Variants in DST observed in about 807,000 individuals in gnomAD.
DST encodes bullous pemphigoid antigen.
A neutral mutation model predicts 875.2 loss-of-function variants in DST; 253 were observed. The ratio of observed to expected loss-of-function variants is 0.29; its 90% confidence interval spans 0.26 to 0.32. The LOEUF (loss-of-function observed/expected upper bound fraction) is 0.32, where lower values mean the gene tolerates loss of function less well. Among genes scored for constraint, DST ranks in the 10% least tolerant of loss-of-function variants. The probability of loss-of-function intolerance (pLI) is 1.00; values close to 1 mark genes in which losing one functional copy is unlikely to be tolerated. For synonymous variants in DST, 3,124 were observed against 3,197.1 expected (o/e 0.98, Z 0.77); for missense variants, 8,287 against 9,111.6 (o/e 0.91, Z 3.68).
At chr6:56,660,625 A>G (rs1232782721) in intron 10 of DST, among the ~76,000 whole-genome samples, 1 of 151,420 alleles carries the variant, frequency 6.6e-6, no homozygotes, top group Non-Finnish European at 1.5e-5. Context: ...AAAAAAAAAA[A>G]AGAAAAAAAA....
At chr6:56,799,068 C>T (rs1261587523) in intron 4 of DST, among the ~76,000 whole-genome samples, 2 of 152,218 alleles carry the variant, frequency 1.3e-5, no homozygotes, top group African/African-American at 4.8e-5. Flanking sequence ...CTGGTGAAGA[C>T]ACTGTGAACA....
intron 4 of DST, among the ~76,000 whole-genome samples, chr6:56,793,033 C>T (rs1197279651): frequency 7.6e-6 from 1 of 132,418 alleles, no homozygotes; most frequent in Non-Finnish European, 1.5e-5. Flanking sequence ...CGCACCACTG[C>T]ACTCCAGCCT....
At chr6:56,783,576 G>C (rs986134891) in intron 4 of DST, among the ~76,000 whole-genome samples, 3 of 151,948 alleles carry the variant, frequency 2.0e-5, no homozygotes, top group African/African-American at 4.8e-5. Flanking sequence ...CCATTTGCTT[G>C]GTAGATCTTC....
At chr6:56,918,274 G>A (rs1336220623) in intron 2 of DST, among the ~76,000 whole-genome samples, 3 of 151,822 alleles carry the variant, frequency 2.0e-5, no homozygotes, top group South Asian at 2.1e-4. Context: ...TAACAGGCAC[G>A]TGCCACCACT....
chr6:56,624,667 A>G, intron 35 of DST, 39 bp from the exon 36 acceptor site: 1 of 1,327,492 alleles, frequency 7.5e-7, no homozygotes, highest in Non-Finnish European at 1.1e-6. Flanking sequence ...CATTACCTCC[A>G]GTTACTCTTA....
intron 61 of DST, among the ~76,000 whole-genome samples, chr6:56,546,389 TAA>T (rs1554326425): frequency 9.6e-6 from 1 of 104,284 alleles, no homozygotes; most frequent in African/African-American, 3.8e-5. Flanking sequence ...TATATATATA[TAA>T]ATGTCAAAAA....
At position 56,668,611 on chromosome 6, in the gene DST, T is replaced by A. The variant is rs969094038; in HGVS notation, c.1214+2030A>T. On this transcript the variant is annotated intron_variant, in intron 10 of 103. Transcript: ENST00000680361. ...AAATAAAAAAAAATTTTAAAAAATTTAAAAAAATTAGCCGGGAGTGGTGGC... is the reference window on the plus strand; with the variant it reads ...AAATAAAAAAAAATTTTAAAAAATTAAAAAAAATTAGCCGGGAGTGGTGGC... Among the ~76,000 whole-genome samples, 30 of 151,620 alleles carry A rather than the reference T, an allele frequency of 2.0e-4. No individual in the cohort carries two copies. The Middle Eastern group carries it at 0.014, about 69-fold the overall frequency.
Position 56,487,119 on chromosome 6 carries a change from C to T in DST, c.21032G>A (p.Gly7011Glu). The change falls in exon 87 of 104, where the codon GGA (glycine) becomes GAA (glutamate). Residue 7011 changes from glycine (G) to glutamate (E), a missense_variant. By Grantham distance (98) the Gly-to-Glu change is moderately conservative (BLOSUM62 -2). Transcript: ENST00000680361. ...AACATTTTACCTTTCCACAGATTTT[C>T]CACATATGGTATCCCATTTGTCTCT... ...ELRDKWDTIC[G>E]KSVERQNKLE... is the part of the protein sequence containing the mutation. The T allele has an allele frequency of 6.2e-7, 1 of 1,613,860 alleles. No homozygotes were observed. The highest frequency in any genetic ancestry group is 2.2e-5 in the East Asian group (1 of 44,864).
intron 5 of DST, 32 bp downstream of exon 5, chr6:56,735,196 A>G: frequency 7.0e-7 from 1 of 1,425,162 alleles, no homozygotes; most frequent in Non-Finnish European, 9.7e-7. Flanking sequence ...TATTCCAAAC[A>G]ATTCCAGGAA....
intron 2 of DST, among the ~76,000 whole-genome samples, chr6:56,914,201 A>G (rs1799903288): frequency 6.6e-6 from 1 of 152,238 alleles, no homozygotes; most frequent in Admixed American, 6.5e-5. Flanking sequence ...CAATGCATCC[A>G]TATTAAGTAT....
intron 29 of DST, among the ~76,000 whole-genome samples, chr6:56,631,680 C>T (rs775804019): frequency 6.6e-6 from 1 of 152,032 alleles, no homozygotes. Context: ...TGAAGGTGAG[C>T]GTGTACATAT....
intron 3 of DST, among the ~76,000 whole-genome samples, chr6:56,863,689 C>T (rs145358056): frequency 6.6e-6 from 1 of 152,290 alleles, no homozygotes; most frequent in East Asian, 1.9e-4. Flanking sequence ...CTTCCTCCAA[C>T]AATAATAAAG....
Position 56,609,106 on chromosome 6 carries a change from G to A in DST, c.5522C>T (p.Ala1841Val). The A allele has an allele frequency of 6.2e-7, 1 of 1,613,790 alleles. No individual in the cohort carries two copies. Among genetic ancestry groups the A allele is most frequent in the Non-Finnish European group, 8.5e-7 (1 of 1,179,784 alleles). Residue 1841 changes from alanine (A) to valine (V), a missense_variant, in exon 40 of 104, where the codon GCT (alanine) becomes GTT (valine). Physicochemically the swap from Ala to Val is moderately conservative, Grantham distance 64. This residue lies in a region of DST where 3,138 missense variants were observed against 3,116.6 expected (regional missense o/e 1.01). Transcript: ENST00000680361. ...TGACGCAGCAGAAATAATCTCCTTA[G>A]CTTTACTTAGTTCTTTGAGTTGGCA... ...ILCQLKELSK[A>V]KEIISAASPT...
At chr6:56,851,908 C>G in intron 3 of DST, 2 of 1,543,896 alleles carry the variant, frequency 1.3e-6, no homozygotes, top group Non-Finnish European at 1.7e-6. Flanking sequence ...AAATGACTGG[C>G]CCAACAATGA....
intron 36 of DST, chr6:56,615,222 T>G (rs560765602): frequency 1.7e-6 from 2 of 1,189,032 alleles, no homozygotes; most frequent in East Asian, 1.0e-4. Flanking sequence ...ACTGTGAACT[T>G]GGAGTTCATC....
chr6:56,640,028 T>G lies in DST; in HGVS notation c.2520A>C (p.Ser840=), dbSNP rs139336917. 1,710 of 1,614,132 alleles carry G rather than the reference T, an allele frequency of 1.1e-3. 9 individuals carry two copies. In the African/African-American group the frequency reaches 0.02, roughly 19 times the overall value. The stretch of plus-strand genomic sequence containing the variant: ...AATGGCTTTCAACACTTGGCAAATC[T>G]GAGCCCCACTCAGTGCGGTCCAGTT... ...QVQLDRTEWG[S]DLPSVESHLE... Residue 840 remains serine, a synonymous_variant, in exon 19 of 104, where the codon TCA becomes TCC. Coordinates refer to ENST00000680361, the MANE Select transcript of DST (RefSeq NM_001374736.1).
intron 42 of DST, 83 bp from the exon 43 acceptor site, chr6:56,603,114 C>T: frequency 8.5e-6 from 13 of 1,522,786 alleles, no homozygotes; most frequent in Non-Finnish European, 1.1e-5. Context: ...TAAGAGTTAG[C>T]ACTCTAAAAC....
At chr6:56,930,279 AGTT>A (rs1809478088) in intron 2 of DST, among the ~76,000 whole-genome samples, 1 of 152,232 alleles carries the variant, frequency 6.6e-6, no homozygotes, top group African/African-American at 2.4e-5. Context: ...CCTAGATTCC[AGTT>A]GTTGAAAAGA....
At chr6:56,752,955 C>T (rs1483974488) in intron 4 of DST, among the ~76,000 whole-genome samples, 4 of 151,986 alleles carry the variant, frequency 2.6e-5, no homozygotes, top group Non-Finnish European at 5.9e-5. Context: ...CCACACCTGG[C>T]TAATTTTGTA....
Sources: gnomAD v4.1 joint callset for allele counts (sites outside exome capture counted in the v4.1 genomes callset) on GRCh38, gnomAD v4.1.1 for gene constraint, gnomAD v4.1.1 regional missense constraint, MANE v1.5 for transcripts, NCBI Gene and HGNC (gene_info 2026-07-23, HGNC 2026-07-21) for gene names.